The following TBXAS1 variants were observed in gnomAD, a reference collection of about 807,000 sequenced individuals.
TBXAS1 encodes thromboxane-A synthase.
Under a neutral mutation model 60.7 loss-of-function variants are expected in TBXAS1, and 48 were observed. That is an observed-to-expected ratio of 0.79 (90% CI 0.63 to 1.01). The LOEUF is 1.01. Among genes scored for constraint, TBXAS1 ranks in the 50% least tolerant of loss-of-function variants. The pLI is 0.00. For missense variants in TBXAS1, 685 were observed against 686.3 expected (o/e 1.00, Z 0.02); for synonymous variants, 287 against 269.7 (o/e 1.06, Z -0.63).
chr7:139,907,328 T>G (rs1400448141), intron 3 of TBXAS1, among the ~76,000 whole-genome samples: 1 of 152,214 alleles, frequency 6.6e-6, no homozygotes, highest in East Asian at 1.9e-4. Context: ...TGAATTATAT[T>G]GATTGTTTTG....
intron 4 of TBXAS1, among the ~76,000 whole-genome samples, chr7:139,792,046 C>T (rs887233838): frequency 2.0e-5 from 3 of 152,016 alleles, no homozygotes; most frequent in Non-Finnish European, 4.4e-5. Context: ...GAAAGCACAC[C>T]TCAAGACTGA....
At chr7:139,814,363 A>G (rs909515773) in intron 4 of TBXAS1, among the ~76,000 whole-genome samples, 3 of 152,200 alleles carry the variant, frequency 2.0e-5, no homozygotes, top group Non-Finnish European at 4.4e-5. Context: ...GCCCTCCCCA[A>G]GATGGCAGAG....
At chr7:139,941,870 C>G (rs147854655) in intron 5 of TBXAS1, among the ~76,000 whole-genome samples, 4 of 152,200 alleles carry the variant, frequency 2.6e-5, no homozygotes, top group Middle Eastern at 3.4e-3. Flanking sequence ...ACTTCTCTGA[C>G]GGAAAATGTA....
intron 4 of TBXAS1, among the ~76,000 whole-genome samples, chr7:139,807,661 G>A (rs1797913132): frequency 6.6e-6 from 1 of 152,158 alleles, no homozygotes; most frequent in Non-Finnish European, 1.5e-5. Context: ...GGGATTACAG[G>A]CGTGAGCCAC....
At chr7:139,898,236 A>G (rs1228838849) in intron 3 of TBXAS1, among the ~76,000 whole-genome samples, 1 of 152,136 alleles carries the variant, frequency 6.6e-6, no homozygotes, top group Non-Finnish European at 1.5e-5. Context: ...ATTCCATGGC[A>G]AAGGTCAGAC....
chr7:139,850,254 C>A (rs1800119177), intron 1 of TBXAS1, among the ~76,000 whole-genome samples: 1 of 152,210 alleles, frequency 6.6e-6, no homozygotes. Context: ...AATCCAGAAT[C>A]AGCCACAAAA....
intron 2 of TBXAS1, among the ~76,000 whole-genome samples, chr7:139,874,977 C>T (rs185974817): frequency 5.3e-4 from 80 of 152,256 alleles, no homozygotes; most frequent in Admixed American, 1.6e-3. Flanking sequence ...TGCCTGTAAT[C>T]CCAGCTACTC....
intron 9 of TBXAS1, among the ~76,000 whole-genome samples, chr7:139,968,996 C>CTT (rs1811000309): frequency 6.6e-6 from 1 of 152,150 alleles, no homozygotes; most frequent in Admixed American, 6.5e-5. Flanking sequence ...TAAATTGTGT[C>CTT]TTCTATAGCT....
intron 1 of TBXAS1, among the ~76,000 whole-genome samples, chr7:139,858,623 G>A (rs751118142): frequency 1.6e-4 from 25 of 152,170 alleles, no homozygotes; most frequent in Non-Finnish European, 2.9e-4. Flanking sequence ...CCTGGTACCC[G>A]GAACTCAGCA....
At chr7:139,946,997 G>C (rs1808773526) in intron 5 of TBXAS1, among the ~76,000 whole-genome samples, 1 of 152,216 alleles carries the variant, frequency 6.6e-6, no homozygotes, top group Non-Finnish European at 1.5e-5. Context: ...CAAAAGGAGA[G>C]GAGAAGAAGA....
At chr7:139,955,260 C>T (rs551149220) in intron 6 of TBXAS1, among the ~76,000 whole-genome samples, 199 bp from the exon 7 acceptor site, 2 of 152,134 alleles carry the variant, frequency 1.3e-5, no homozygotes, top group African/African-American at 2.4e-5. Flanking sequence ...CACCCTCTGC[C>T]GTCACTGCTC....
chr7:139,971,324 G>C (rs1811178029), intron 9 of TBXAS1, among the ~76,000 whole-genome samples: 1 of 152,088 alleles, frequency 6.6e-6, no homozygotes, highest in South Asian at 2.1e-4. Flanking sequence ...TAAGTTTTGT[G>C]GTCACTGCTA....
At chr7:139,785,273 T>C (rs1418299424) in intron 3 of TBXAS1, among the ~76,000 whole-genome samples, 4 of 152,180 alleles carry the variant, frequency 2.6e-5, no homozygotes, top group South Asian at 2.1e-4. Context: ...CTTGGCAAGC[T>C]GATCTCTAGA....
chr7:139,979,853 A>G (rs1811844185), intron 9 of TBXAS1, among the ~76,000 whole-genome samples: 1 of 151,804 alleles, frequency 6.6e-6, no homozygotes, highest in African/African-American at 2.4e-5. Flanking sequence ...ACATTTGACA[A>G]GTTTACATTT....
intron 1 of TBXAS1, among the ~76,000 whole-genome samples, chr7:139,865,641 GGAGGAGGAA>G (rs1801307760): frequency 1.1e-5 from 1 of 92,286 alleles, no homozygotes; most frequent in Non-Finnish European, 2.4e-5. Flanking sequence ...AGGAAGAGGA[GGAGGAGGAA>G]GAGGAGGAGG....
intron 2 of TBXAS1, 97 bp downstream of exon 2, chr7:139,872,425 C>A: frequency 8.3e-7 from 1 of 1,199,518 alleles, no homozygotes; most frequent in Non-Finnish European, 1.2e-6. Context: ...GAGGCCGAAG[C>A]GTGTGGATCA....
At chr7:139,899,503 C>G (rs1368859503) in intron 3 of TBXAS1, among the ~76,000 whole-genome samples, 1 of 152,228 alleles carries the variant, frequency 6.6e-6, no homozygotes, top group Non-Finnish European at 1.5e-5. Flanking sequence ...TTAAACAAGT[C>G]AAACAAGTGG....
chr7:139,925,181 A>G (rs903821766), intron 4 of TBXAS1, among the ~76,000 whole-genome samples: 1 of 152,028 alleles, frequency 6.6e-6, no homozygotes, highest in African/African-American at 2.4e-5. Flanking sequence ...TGTTTTTTCT[A>G]TTTCTGTGAG....
In TBXAS1 at chr7:139,875,631, T is replaced by C. The variant is rs756151303; in HGVS notation, c.230T>C (p.Leu77Pro). The C allele has an allele frequency of 8.7e-6, 14 of 1,612,272 alleles. No individual in the cohort carries two copies. Among genetic ancestry groups the C allele is most frequent in the African/African-American group, 1.4e-5 (1 of 73,192 alleles). Residue 77 changes from leucine (L) to proline (P), a missense_variant, in exon 3 of 13, where the codon CTG (leucine) becomes CCG (proline). Transcript: ENST00000448866. ...GAGCTCAGAAAGCTGTATGGACCTCTGTGTGGGTAAGAAGGAAACTCAACG... is the reference window on the plus strand; with the variant it reads ...GAGCTCAGAAAGCTGTATGGACCTCCGTGTGGGTAAGAAGGAAACTCAACG... Reference protein sequence around the residue: ...QMELRKLYGPLCGYYLGRRMF... With the variant: ...QMELRKLYGPPCGYYLGRRMF...
Sources: gnomAD v4.1 joint callset for allele counts (sites outside exome capture counted in the v4.1 genomes callset) on GRCh38, gnomAD v4.1.1 for gene constraint, MANE v1.5 for transcripts, NCBI Gene and HGNC (gene_info 2026-07-23, HGNC 2026-07-21) for gene names.